CTBP2: variants seen among roughly 807,000 people sequenced by gnomAD.
CTBP2 encodes C-terminal-binding protein 2.
A neutral mutation model predicts 80.3 loss-of-function variants in CTBP2; 30 were observed. That is an observed-to-expected ratio of 0.37 (90% CI 0.28 to 0.51). The LOEUF (loss-of-function observed/expected upper bound fraction) is 0.51. Among genes scored for constraint, CTBP2 ranks in the 20% least tolerant of loss-of-function variants. CTBP2 has a pLI of 0.93. For synonymous variants in CTBP2, 594 were observed against 587.4 expected, an observed-to-expected ratio of 1.01 and a Z score of -0.16; for missense variants, 1,212 against 1,375.3, an observed-to-expected ratio of 0.88 and a Z score of 1.88.
intron 1 of CTBP2, among the ~76,000 whole-genome samples, chr10:125,152,513 G>A (rs571518022): frequency 2.6e-5 from 4 of 152,338 alleles, no homozygotes; most frequent in South Asian, 2.1e-4. Context: ...ACTTGGGGGA[G>A]GCAATTCAAT....
intron 1 of CTBP2, among the ~76,000 whole-genome samples, chr10:125,146,429 C>T (rs919148723): frequency 6.0e-5 from 9 of 148,902 alleles, no homozygotes; most frequent in Non-Finnish European, 8.9e-5. Context: ...TACAGGTGCG[C>T]GCCACCACGC....
intron 2 of CTBP2, among the ~76,000 whole-genome samples, chr10:125,102,809 G>A (rs926971956): frequency 6.6e-6 from 1 of 152,194 alleles, no homozygotes; most frequent in African/African-American, 2.4e-5. Context: ...TGATACAGAA[G>A]CCATCTGAGC....
intron 2 of CTBP2, among the ~76,000 whole-genome samples, chr10:125,097,681 A>G (rs1250561117): frequency 1.3e-5 from 2 of 148,494 alleles, no homozygotes; most frequent in Non-Finnish European, 3.0e-5. Context: ...ACGTGTGAGC[A>G]TGCACACGTG....
rs369372765 is a variant in CTBP2, at chr10:124,994,433, C to G, written c.2400+36G>C. The G allele has an allele frequency of 3.7e-6, 6 of 1,603,328 alleles. No homozygotes were observed. The East Asian group carries it at 6.7e-5, about 18-fold the overall frequency. Reference sequence around the variant, plus strand: ...CCCACAAGCAAGTGCTACCACCTTTCGACAGAAGCTTCCATGGCATCTATT... The same window carrying G: ...CCCACAAGCAAGTGCTACCACCTTTGGACAGAAGCTTCCATGGCATCTATT... On this transcript the variant is annotated intron_variant, in intron 5 of 8. Transcript: ENST00000309035.
chr10:125,113,990 G>A, intron 1 of CTBP2, among the ~76,000 whole-genome samples: 1 of 152,188 alleles, frequency 6.6e-6, no homozygotes, highest in East Asian at 1.9e-4. Flanking sequence ...TAAAAAGACT[G>A]GAGCTACAGA....
At chr10:125,148,455 C>G (rs1565044158) in intron 1 of CTBP2, among the ~76,000 whole-genome samples, 4 of 152,212 alleles carry the variant, frequency 2.6e-5, no homozygotes, top group East Asian at 1.9e-4. Context: ...CTCTAGAAAA[C>G]AAAAGAGAAT....
intron 1 of CTBP2, among the ~76,000 whole-genome samples, chr10:125,018,189 G>A (rs1956686045): frequency 6.6e-6 from 1 of 152,218 alleles, no homozygotes; most frequent in Non-Finnish European, 1.5e-5. Context: ...AAAATGTCCA[G>A]AGTCTTCCTG....
chr10:125,032,644 C>T (rs1263132228), upstream of CTBP2: 1 of 154,066 alleles, frequency 6.5e-6, no homozygotes, highest in African/African-American at 2.4e-5. Flanking sequence ...GAGCGCACCC[C>T]TCCCTCCACA....
chr10:125,028,495 T>C (rs948003548), upstream of CTBP2, among the ~76,000 whole-genome samples: 1 of 152,264 alleles, frequency 6.6e-6, no homozygotes, highest in Non-Finnish European at 1.5e-5. Context: ...GGGCCAGCTC[T>C]GAAACCTGAT....
intron 2 of CTBP2, among the ~76,000 whole-genome samples, chr10:125,052,627 A>G (rs567930826): frequency 2.2e-4 from 34 of 152,322 alleles, no homozygotes; most frequent in Middle Eastern, 3.4e-3. Flanking sequence ...GGAGGGAAGA[A>G]CCTATCAAGA....
intron 2 of CTBP2, among the ~76,000 whole-genome samples, chr10:125,070,209 G>A (rs1845255225): frequency 6.6e-6 from 1 of 152,114 alleles, no homozygotes; most frequent in African/African-American, 2.4e-5. Flanking sequence ...AAATTAGCCA[G>A]GTGTGGTGGC....
At chr10:124,997,173 A>G (rs1281962492) in intron 4 of CTBP2, 1 of 152,282 alleles carries the variant, frequency 6.6e-6, no homozygotes, top group Non-Finnish European at 1.5e-5. Context: ...TTGGAGTCCC[A>G]AAAGGCAGAT....
At chr10:125,106,908 C>T (rs775652099) in intron 2 of CTBP2, among the ~76,000 whole-genome samples, 12 of 152,230 alleles carry the variant, frequency 7.9e-5, no homozygotes, top group African/African-American at 1.9e-4. Flanking sequence ...CCCTGTGTGA[C>T]CCTGGACCCA....
intron 1 of CTBP2, among the ~76,000 whole-genome samples, chr10:125,126,923 A>G (rs1455933969): frequency 7.5e-6 from 1 of 132,678 alleles, no homozygotes; most frequent in Admixed American, 7.5e-5. Context: ...ACACACACAC[A>G]TTCTCTCTCT....
At position 125,003,458 on chromosome 10, in the gene CTBP2, G is replaced by C; in HGVS notation, c.1713C>G (p.His571Gln). ...CCAGCAGCGCCACCAGGGGGCGGGG[G>C]TGCAGGGGGCCGTTCATGATCTGGG... Residue 571 changes from histidine to glutamine, a missense_variant, in exon 2 of 9, where the codon CAC (histidine) becomes CAG (glutamine). His to Gln is a conservative substitution (Grantham distance 24, BLOSUM62 0). Coordinates refer to ENST00000309035, the MANE Select transcript of CTBP2 (RefSeq NM_022802.3). 6.3e-7 allele frequency: 1 copy of C among 1,580,230 alleles called. No homozygotes were observed. The highest frequency in any genetic ancestry group is 8.6e-7 in the Non-Finnish European group (1 of 1,167,818).
At chr10:125,073,578 A>C (rs1845843312) in intron 2 of CTBP2, among the ~76,000 whole-genome samples, 1 of 152,220 alleles carries the variant, frequency 6.6e-6, no homozygotes, top group South Asian at 2.1e-4. Context: ...TTATTTTTTA[A>C]AGTAAGATAA....
rs976251072 is a variant in CTBP2 at position 124,989,388 on chromosome 10, G to C, written c.*130C>G. On this transcript the variant is annotated 3_prime_UTR_variant, in exon 9 of 9. Coordinates refer to ENST00000309035, the MANE Select transcript of CTBP2 (RefSeq NM_022802.3). ...TTCTAGCTCTTGTAGTTTCAACACT[G>C]CAACATCAATGATGCATATGTCCAG... is the stretch of plus-strand genomic sequence containing the variant. The C allele has an allele frequency of 1.3e-4, 132 of 1,027,288 alleles. 1 individual carries two copies. The highest frequency in any genetic ancestry group is 6.1e-4 in the Middle Eastern group (2 of 3,284). 63.6% of individuals were successfully genotyped at this position (1,027,288 alleles called of 1,614,324 possible).
At chr10:125,013,882 C>T (rs992755954) in intron 1 of CTBP2, among the ~76,000 whole-genome samples, 1 of 152,222 alleles carries the variant, frequency 6.6e-6, no homozygotes, top group Non-Finnish European at 1.5e-5. Context: ...CCCTAGGAAA[C>T]AGACAGGTGA....
At chr10:125,134,470 G>C (rs1476620732) in intron 1 of CTBP2, among the ~76,000 whole-genome samples, 7 of 152,116 alleles carry the variant, frequency 4.6e-5, no homozygotes, top group Non-Finnish European at 1.5e-5. Context: ...TTCAACCAGG[G>C]GAGTTCACAG....
Sources: allele counts gnomAD v4.1 joint callset (sites outside exome capture counted in the v4.1 genomes callset), GRCh38; gene constraint gnomAD v4.1.1; transcripts MANE v1.5; gene names NCBI Gene and HGNC (gene_info 2026-07-23, HGNC 2026-07-21).